Variants in GABRB1 observed in about 807,000 individuals in gnomAD.
The protein encoded by GABRB1 is gamma-aminobutyric acid type A receptor subunit beta1.
In GABRB1, 17 loss-of-function variants were observed where a neutral mutation model predicts 51.6. The observed-to-expected ratio is 0.33, with a 90% confidence interval of 0.23 to 0.49. The LOEUF is 0.49. Ranked by LOEUF, GABRB1 falls within the 20% of genes least tolerant of loss-of-function variation. The pLI is 0.99. For synonymous variants in GABRB1, 247 were observed against 218.9 expected (o/e 1.13, Z -1.14); for missense variants, 410 against 600.6 (o/e 0.68, Z 3.32).
At chr4:47,079,509 A>G in intron 3 of GABRB1, among the ~76,000 whole-genome samples, 1 of 152,072 alleles carries the variant, frequency 6.6e-6, no homozygotes, top group East Asian at 1.9e-4. Context: ...TATATACCCA[A>G]AGGATTATAA....
chr4:47,040,156 A>C (rs562642328), intron 3 of GABRB1, among the ~76,000 whole-genome samples: 1 of 152,316 alleles, frequency 6.6e-6, no homozygotes, highest in Non-Finnish European at 1.5e-5. Flanking sequence ...TCACATGCAA[A>C]CAGATAAAGA....
At chr4:47,240,371 G>C (rs529423878) in intron 4 of GABRB1, among the ~76,000 whole-genome samples, 9 of 152,272 alleles carry the variant, frequency 5.9e-5, no homozygotes, top group African/African-American at 2.2e-4. Context: ...TGAGAAACAA[G>C]AGCTGTGTTT....
At chr4:47,272,697 C>T (rs961520183) in intron 4 of GABRB1, among the ~76,000 whole-genome samples, 5 of 152,078 alleles carry the variant, frequency 3.3e-5, no homozygotes, top group African/African-American at 1.2e-4. Context: ...TGAAGTTTTC[C>T]TTACAAACAC....
At chr4:47,346,843 G>T (rs532546600) in intron 5 of GABRB1, among the ~76,000 whole-genome samples, 1 of 152,156 alleles carries the variant, frequency 6.6e-6, no homozygotes, top group Non-Finnish European at 1.5e-5. Context: ...ATGACCAGGG[G>T]CATCTTCTCT....
intron 4 of GABRB1, among the ~76,000 whole-genome samples, chr4:47,166,691 A>T (rs10015561): frequency 1.1e-4 from 16 of 151,886 alleles, no homozygotes; most frequent in African/African-American, 3.9e-4. Context: ...AGAGCCCTTA[A>T]TCCCTACATT....
intron 3 of GABRB1, among the ~76,000 whole-genome samples, chr4:47,080,954 C>T (rs1477581833): frequency 6.6e-6 from 1 of 152,090 alleles, no homozygotes; most frequent in Non-Finnish European, 1.5e-5. Context: ...GTGAAAACTA[C>T]TCAATATGCA....
intron 3 of GABRB1, among the ~76,000 whole-genome samples, chr4:47,074,037 T>A (rs1727449036): frequency 6.6e-6 from 1 of 152,232 alleles, no homozygotes; most frequent in Non-Finnish European, 1.5e-5. Context: ...AGTTACAATA[T>A]GTAATTTAAA....
At chr4:47,186,622 A>G (rs1719193413) in intron 4 of GABRB1, among the ~76,000 whole-genome samples, 1 of 151,788 alleles carries the variant, frequency 6.6e-6, no homozygotes, top group Non-Finnish European at 1.5e-5. Flanking sequence ...GTCCCCACCT[A>G]TCCTAAGCTG....
chr4:47,247,248 C>T (rs1299386049), intron 4 of GABRB1, among the ~76,000 whole-genome samples: 1 of 152,016 alleles, frequency 6.6e-6, no homozygotes, highest in African/African-American at 2.4e-5. Flanking sequence ...ACTAGCCAAT[C>T]ATCCCAGCAC....
intron 4 of GABRB1, among the ~76,000 whole-genome samples, chr4:47,275,304 G>A (rs373628911): frequency 6.6e-6 from 1 of 152,116 alleles, no homozygotes; most frequent in South Asian, 2.1e-4. Flanking sequence ...CATTCTGGGG[G>A]CAGGGAGGAG....
intron 5 of GABRB1, among the ~76,000 whole-genome samples, chr4:47,324,852 C>A (rs967488325): frequency 6.6e-6 from 1 of 152,216 alleles, no homozygotes; most frequent in African/African-American, 2.4e-5. Flanking sequence ...CACTATCCGA[C>A]CATAATCCTG....
intron 7 of GABRB1, among the ~76,000 whole-genome samples, chr4:47,405,191 A>AT (rs1238595626): frequency 6.6e-6 from 1 of 152,170 alleles, no homozygotes; most frequent in Non-Finnish European, 1.5e-5. Context: ...TCATTATGAC[A>AT]TTTTGTATCA....
intron 3 of GABRB1, among the ~76,000 whole-genome samples, chr4:47,052,540 C>T (rs189122373): frequency 5.3e-5 from 8 of 152,292 alleles, no homozygotes; most frequent in Admixed American, 5.2e-4. Flanking sequence ...CTCCGAAGTA[C>T]GGAGCTAGTA....
chr4:47,049,063 GAAAA>G (rs5858051), intron 3 of GABRB1, among the ~76,000 whole-genome samples: 47 of 138,572 alleles, frequency 3.4e-4, no homozygotes, highest in Non-Finnish European at 6.1e-4. Context: ...GATGAGAAGA[GAAAA>G]AAAAAAAAAA....
At chr4:47,062,956 C>T (rs1295506444) in intron 3 of GABRB1, among the ~76,000 whole-genome samples, 1 of 152,180 alleles carries the variant, frequency 6.6e-6, no homozygotes, top group Non-Finnish European at 1.5e-5. Flanking sequence ...GTTTCCAGTT[C>T]TGCTACACTC....
chr4:47,406,536 G>C (rs1425891454), intron 7 of GABRB1, 146 bp from the exon 8 acceptor site: 1 of 854,404 alleles, frequency 1.2e-6, no homozygotes, highest in African/African-American at 1.7e-5. Context: ...CAAAATATCT[G>C]CCCTTTTTGC....
intron 4 of GABRB1, among the ~76,000 whole-genome samples, chr4:47,312,980 T>C (rs1724759127): frequency 6.6e-6 from 1 of 152,168 alleles, no homozygotes. Context: ...GATTTGCTAT[T>C]ACAATGACTC....
At chr4:47,140,033 G>A (rs902000724) in intron 3 of GABRB1, among the ~76,000 whole-genome samples, 22 of 151,706 alleles carry the variant, frequency 1.5e-4, no homozygotes, top group African/African-American at 5.1e-4. Context: ...CAGGTTGTGT[G>A]ACACTATAGA....
At chr4:47,244,307 G>A (rs1721655385) in intron 4 of GABRB1, among the ~76,000 whole-genome samples, 1 of 152,102 alleles carries the variant, frequency 6.6e-6, no homozygotes, top group Non-Finnish European at 1.5e-5. Flanking sequence ...GAGGATTTTT[G>A]CATCGATGTT....
Sources: gnomAD v4.1 joint callset for allele counts (sites outside exome capture counted in the v4.1 genomes callset) on GRCh38, gnomAD v4.1.1 for gene constraint, MANE v1.5 for transcripts, NCBI Gene and HGNC (gene_info 2026-07-23, HGNC 2026-07-21) for gene names.